The following GABRG3 variants were observed in gnomAD, a reference collection of about 807,000 sequenced individuals.
GABRG3 encodes the protein gamma-aminobutyric acid receptor subunit gamma-3.
In GABRG3, 25 loss-of-function variants were observed where a neutral mutation model predicts 48.8. That is an observed-to-expected ratio of 0.51 (90% CI 0.37 to 0.72). GABRG3 has a LOEUF of 0.72. Among genes scored for constraint, GABRG3 ranks in the 30% least tolerant of loss-of-function variants. GABRG3 has a pLI of 0.00. For synonymous variants in GABRG3, 227 were observed against 217.6 expected (o/e 1.04, Z -0.38); for missense variants, 394 against 577.9 (o/e 0.68, Z 3.26).
intron 3 of GABRG3, among the ~76,000 whole-genome samples, chr15:27,099,366 G>C (rs1897318065): frequency 6.6e-6 from 1 of 152,102 alleles, no homozygotes; most frequent in Admixed American, 6.6e-5. Context: ...ATCAGGTTTG[G>C]TGTCTTCCGA....
At chr15:27,248,807 G>C (rs201521905) in intron 3 of GABRG3, among the ~76,000 whole-genome samples, 4,327 of 100,268 alleles carry the variant, frequency 0.043, 66 homozygotes, top group African/African-American at 0.078. Flanking sequence ...CACACACAGA[G>C]AGAGAGAGAG....
At chr15:27,068,975 G>A (rs1344857626) in intron 3 of GABRG3, among the ~76,000 whole-genome samples, 2 of 152,212 alleles carry the variant, frequency 1.3e-5, no homozygotes, top group Admixed American at 6.5e-5. Flanking sequence ...CATCATTGCA[G>A]GAACTGCTAA....
chr15:27,063,694 A>T (rs1320786709), intron 3 of GABRG3, among the ~76,000 whole-genome samples: 2 of 152,212 alleles, frequency 1.3e-5, no homozygotes, highest in African/African-American at 4.8e-5. Flanking sequence ...CCTTGCGAGA[A>T]TGGCCTAAGA....
chr15:27,192,855 T>G (rs1035629006), intron 3 of GABRG3, among the ~76,000 whole-genome samples: 1 of 152,170 alleles, frequency 6.6e-6, no homozygotes, highest in Admixed American at 6.5e-5. Context: ...TTTTATCTGC[T>G]TTTGGTCTTT....
intron 3 of GABRG3, among the ~76,000 whole-genome samples, chr15:27,277,237 G>A (rs753813285): frequency 6.6e-6 from 1 of 152,212 alleles, no homozygotes; most frequent in Non-Finnish European, 1.5e-5. Context: ...AGTTCTTTGA[G>A]AAAGGGGCAA....
chr15:27,394,829 G>C (rs139585201), intron 5 of GABRG3, among the ~76,000 whole-genome samples: 1 of 151,960 alleles, frequency 6.6e-6, no homozygotes, highest in Non-Finnish European at 1.5e-5. Context: ...TGATCTTGTC[G>C]TTAAGCCCTT....
intron 3 of GABRG3, among the ~76,000 whole-genome samples, chr15:27,238,396 G>A (rs759381782): frequency 1.3e-5 from 2 of 152,250 alleles, no homozygotes; most frequent in African/African-American, 2.4e-5. Context: ...GGAGGGAGCC[G>A]CGCGGGGGCG....
At chr15:27,277,731 C>T (rs1394858490) in intron 3 of GABRG3, among the ~76,000 whole-genome samples, 1 of 152,172 alleles carries the variant, frequency 6.6e-6, no homozygotes, top group Non-Finnish European at 1.5e-5. Context: ...TTAATTCTAA[C>T]TACTGTAATT....
At chr15:27,005,819 G>A (rs1895573218) in intron 2 of GABRG3, among the ~76,000 whole-genome samples, 1 of 152,184 alleles carries the variant, frequency 6.6e-6, no homozygotes, top group Admixed American at 6.5e-5. Flanking sequence ...ACCCTTGGTG[G>A]TAGAGTTTGT....
intron 2 of GABRG3, among the ~76,000 whole-genome samples, chr15:27,010,559 C>T (rs1439806199): frequency 2.0e-5 from 3 of 152,120 alleles, no homozygotes; most frequent in African/African-American, 7.2e-5. Context: ...TGGGACTGGC[C>T]AACTTCATGC....
At chr15:27,438,201 C>T (rs1888676885) in intron 5 of GABRG3, among the ~76,000 whole-genome samples, 1 of 152,308 alleles carries the variant, frequency 6.6e-6, no homozygotes, top group African/African-American at 2.4e-5. Context: ...CCAGGTTCCA[C>T]TCTCCTGAAA....
chr15:27,148,222 A>G (rs1898245948), intron 3 of GABRG3, among the ~76,000 whole-genome samples: 1 of 152,014 alleles, frequency 6.6e-6, no homozygotes, highest in South Asian at 2.1e-4. Context: ...TACCTAAATT[A>G]GTTGCAGTGA....
At chr15:27,451,631 A>G (rs918781142) in intron 5 of GABRG3, among the ~76,000 whole-genome samples, 1 of 152,224 alleles carries the variant, frequency 6.6e-6, no homozygotes, top group East Asian at 1.9e-4. Flanking sequence ...AATCTGTGTG[A>G]TAATGTTTTA....
At chr15:27,478,196 T>A (rs752742470) in intron 5 of GABRG3, among the ~76,000 whole-genome samples, 5 of 152,116 alleles carry the variant, frequency 3.3e-5, no homozygotes, top group Non-Finnish European at 7.3e-5. Flanking sequence ...AATAAAAAAA[T>A]TCCAGTCGCT....
In GABRG3 at chr15:27,388,242, G is replaced by GTA. The variant is rs1490269626; in HGVS notation, c.574+59354_574+59355insTA. On this transcript the variant is annotated intron_variant, in intron 5 of 9. Transcript: ENST00000615808. ...GAAGGAAGGAAAGGGAGGAGGGAGG[G>GTA]AGGAAAGGAAGGAAGGAAAGGAGGG... Among the ~76,000 whole-genome samples, 17 of 42,526 alleles carry GTA rather than the reference G, an allele frequency of 4.0e-4. 2 individuals are homozygous for GTA. Among genetic ancestry groups the GTA allele is most frequent in the African/African-American group, 6.3e-4 (6 of 9,552 alleles). 27.9% of individuals were successfully genotyped at this position (42,526 alleles called of 152,430 possible).
chr15:27,388,158 GAAA>G (rs1203060931), intron 5 of GABRG3, among the ~76,000 whole-genome samples: 1 of 70,922 alleles, frequency 1.4e-5, no homozygotes, highest in Non-Finnish European at 2.6e-5. Context: ...AAGGAAGGAA[GAAA>G]GGAAGGAAGG....
chr15:27,224,459 G>A (rs544653788), intron 3 of GABRG3, among the ~76,000 whole-genome samples: 1 of 152,162 alleles, frequency 6.6e-6, no homozygotes, highest in Non-Finnish European at 1.5e-5. Context: ...TCCTCACCTG[G>A]GCCTGCCCTT....
chr15:27,382,582 A>C (rs912721614), intron 5 of GABRG3, among the ~76,000 whole-genome samples: 59 of 152,206 alleles, frequency 3.9e-4, no homozygotes, highest in African/African-American at 1.0e-3. Flanking sequence ...ATGCTTTGAA[A>C]GGTTTACTCT....
intron 3 of GABRG3, among the ~76,000 whole-genome samples, chr15:27,225,932 AAG>A (rs1230807436): frequency 1.3e-5 from 2 of 152,148 alleles, no homozygotes; most frequent in Non-Finnish European, 2.9e-5. Flanking sequence ...GCCTGTGACT[AAG>A]ATGATTGGCA....
Sources: allele counts gnomAD v4.1 joint callset (sites outside exome capture counted in the v4.1 genomes callset), GRCh38; gene constraint gnomAD v4.1.1; transcripts MANE v1.5; gene names NCBI Gene and HGNC (gene_info 2026-07-23, HGNC 2026-07-21).